Variants in HEMK2 observed in about 807,000 individuals in gnomAD.
HEMK2 encodes the protein HemK methyltransferase 2, ETF1 glutamine and histone H4 lysine.
the HEMK2 span, among the ~76,000 whole-genome samples, chr21:28,682,420 G>A: frequency 3.7e-4 from 56 of 149,970 alleles, no homozygotes; most frequent in East Asian, 0.01. Flanking sequence ...TGGAGAGGAT[G>A]TGGAGAAATA....
the HEMK2 span, among the ~76,000 whole-genome samples, chr21:28,613,619 CTTTTTTTTTTTTTTTTTT>C: frequency 6.0e-5 from 5 of 82,704 alleles, no homozygotes; most frequent in South Asian, 2.0e-3. Flanking sequence ...TCTGCATATT[CTTTTTTTTTTTTTTTTTT>C]TTTTTTTTTT....
At chr21:28,643,447 G>T in the HEMK2 span, among the ~76,000 whole-genome samples, 2 of 143,712 alleles carry the variant, frequency 1.4e-5, no homozygotes, top group Non-Finnish European at 3.0e-5. Context: ...AGAGACTGAG[G>T]GGGGAGGATT....
At chr21:28,693,670 G>T in the HEMK2 span, among the ~76,000 whole-genome samples, 1 of 152,178 alleles carries the variant, frequency 6.6e-6, no homozygotes, top group Non-Finnish European at 1.5e-5. Flanking sequence ...CATAGAACAT[G>T]CAGGAAAGCA....
At chr21:28,797,869 T>G in the HEMK2 span, among the ~76,000 whole-genome samples, 10 of 152,160 alleles carry the variant, frequency 6.6e-5, no homozygotes, top group Non-Finnish European at 1.3e-4. Flanking sequence ...AAAGGAGCTA[T>G]TGAGAGGCTT....
chr21:28,838,042 C>A, the HEMK2 span, among the ~76,000 whole-genome samples: 1 of 152,018 alleles, frequency 6.6e-6, no homozygotes, highest in Non-Finnish European at 1.5e-5. Flanking sequence ...ATTGAAATGG[C>A]AATTTTAAAA....
the HEMK2 span, among the ~76,000 whole-genome samples, chr21:28,780,591 G>A: frequency 2.6e-5 from 4 of 152,210 alleles, no homozygotes; most frequent in Non-Finnish European, 4.4e-5. Context: ...GATTACAGGC[G>A]TGAGCCACCG....
At chr21:28,813,992 C>T in the HEMK2 span, among the ~76,000 whole-genome samples, 1 of 152,118 alleles carries the variant, frequency 6.6e-6, no homozygotes, top group East Asian at 1.9e-4. Context: ...AATCACAGCA[C>T]TTTGGGCGGC....
the HEMK2 span, among the ~76,000 whole-genome samples, chr21:28,783,693 G>A: frequency 6.6e-6 from 1 of 152,198 alleles, no homozygotes; most frequent in Non-Finnish European, 1.5e-5. Flanking sequence ...TGCACTATGG[G>A]AGCCCCTCTC....
the HEMK2 span, among the ~76,000 whole-genome samples, chr21:28,675,663 G>A: frequency 6.6e-6 from 1 of 152,174 alleles, no homozygotes; most frequent in African/African-American, 2.4e-5. Context: ...TTTCAGGAAC[G>A]CATATTCTGA....
chr21:28,723,107 A>G, the HEMK2 span, among the ~76,000 whole-genome samples: 1 of 152,028 alleles, frequency 6.6e-6, no homozygotes, highest in South Asian at 2.1e-4. Flanking sequence ...ACTCCTGGGC[A>G]GAAGCAATCC....
At chr21:28,587,175 CA>C in the HEMK2 span, among the ~76,000 whole-genome samples, 63,246 of 143,866 alleles carry the variant, frequency 0.44, 14,983 homozygotes, top group Middle Eastern at 0.58. Context: ...AGGAAATAAA[CA>C]AAAAAAAAAA....
chr21:28,635,354 G>A, the HEMK2 span, among the ~76,000 whole-genome samples: 40 of 152,014 alleles, frequency 2.6e-4, 1 homozygote, highest in East Asian at 4.7e-3. Flanking sequence ...TGCCCACCTC[G>A]GACTCCCAAA....
At chr21:28,835,624 C>T in the HEMK2 span, among the ~76,000 whole-genome samples, 1 of 151,982 alleles carries the variant, frequency 6.6e-6, no homozygotes, top group African/African-American at 2.4e-5. Flanking sequence ...AGCAATGGAT[C>T]CAAACCAAGA....
the HEMK2 span, among the ~76,000 whole-genome samples, chr21:28,644,055 C>G: frequency 6.6e-6 from 1 of 152,144 alleles, no homozygotes; most frequent in East Asian, 1.9e-4. Flanking sequence ...ACATCAAACC[C>G]CACTGTACTG....
the HEMK2 span, among the ~76,000 whole-genome samples, chr21:28,823,829 A>G: frequency 2.0e-5 from 3 of 151,922 alleles, no homozygotes; most frequent in Admixed American, 2.0e-4. Flanking sequence ...CCCTCTACTA[A>G]CCATGTGTTA....
chr21:28,848,580 T>C, the HEMK2 span, among the ~76,000 whole-genome samples: 2 of 152,190 alleles, frequency 1.3e-5, no homozygotes, highest in African/African-American at 4.8e-5. Flanking sequence ...ATTTTCTGAA[T>C]GGCTTTATGT....
chr21:28,707,510 C>T, the HEMK2 span, among the ~76,000 whole-genome samples: 1 of 152,042 alleles, frequency 6.6e-6, no homozygotes, highest in African/African-American at 2.4e-5. Flanking sequence ...CCTGCCTCGG[C>T]CTCCCAAAGT....
chr21:28,678,472 A>G, the HEMK2 span, among the ~76,000 whole-genome samples: 1 of 152,236 alleles, frequency 6.6e-6, no homozygotes, highest in Non-Finnish European at 1.5e-5. Flanking sequence ...AACACTCTGC[A>G]GGATATTACC....
At chr21:28,825,318 C>T in the HEMK2 span, among the ~76,000 whole-genome samples, 1 of 152,192 alleles carries the variant, frequency 6.6e-6, no homozygotes, top group Non-Finnish European at 1.5e-5. Context: ...CTAACACATT[C>T]CCATGTAATG....
Sources: gnomAD v4.1 joint callset for allele counts (sites outside exome capture counted in the v4.1 genomes callset) on GRCh38, gnomAD v4.1.1 for gene constraint, MANE v1.5 for transcripts, NCBI Gene and HGNC (gene_info 2026-07-23, HGNC 2026-07-21) for gene names.